MTM1: variants seen among roughly 807,000 people sequenced by gnomAD.
MTM1 encodes the protein myotubularin.
In MTM1, 9 loss-of-function variants were observed where a neutral mutation model predicts 52.1. That is an observed-to-expected ratio of 0.17 (90% CI 0.10 to 0.30). MTM1 has a LOEUF of 0.30. Among genes scored for constraint, MTM1 ranks in the 10% least tolerant of loss-of-function variants. The pLI is 1.00. For synonymous variants in MTM1, 136 were observed against 163.8 expected, an observed-to-expected ratio of 0.83 and a Z score of 1.29; for missense variants, 277 against 470.7, an observed-to-expected ratio of 0.59 and a Z score of 3.81.
At chrX:150,652,809 A>G (rs1488163714) in intron 10 of MTM1, among the ~76,000 whole-genome samples, 3 of 108,394 alleles carry the variant, frequency 2.8e-5, no homozygotes, top group African/African-American at 1.0e-4. Context: ...CTAAATAAGA[A>G]GAAAAGCTTT....
intron 2 of MTM1, among the ~76,000 whole-genome samples, chrX:150,593,135 A>ACGC (rs1162884176): frequency 9.8e-5 from 11 of 112,323 alleles, no homozygotes; most frequent in African/African-American, 3.6e-4. Flanking sequence ...GTGAGCTACC[A>ACGC]CGCCGGCCCA....
chrX:150,592,458 T>A, intron 1 of MTM1, 147 bp from the exon 2 acceptor site: 1 of 480,578 alleles, frequency 2.1e-6, no homozygotes, highest in South Asian at 2.9e-5. Flanking sequence ...CGTTTGTATG[T>A]CTTATTACCA....
chrX:150,605,842 C>G (rs1318082165), intron 4 of MTM1, among the ~76,000 whole-genome samples: 1 of 111,020 alleles, frequency 9.0e-6, no homozygotes, highest in Non-Finnish European at 1.9e-5. Flanking sequence ...CTATTGGTGG[C>G]TGTCATTGGA....
At chrX:150,629,688 ATATT>A (rs782621392) in intron 6 of MTM1, among the ~76,000 whole-genome samples, 21 of 112,695 alleles carry the variant, frequency 1.9e-4, no homozygotes, top group Admixed American at 1.9e-4. Flanking sequence ...TATTCAATAA[ATATT>A]TACTTTTTAA....
At chrX:150,575,577 A>G (rs1281399509) in intron 1 of MTM1, among the ~76,000 whole-genome samples, 2 of 111,695 alleles carry the variant, frequency 1.8e-5, no homozygotes, top group African/African-American at 6.5e-5. Context: ...GCTCCCACTC[A>G]GAGCAGCAAG....
intron 1 of MTM1, among the ~76,000 whole-genome samples, chrX:150,583,926 AT>A (rs1569565354): frequency 2.1e-4 from 9 of 43,573 alleles, no homozygotes; most frequent in African/African-American, 5.4e-4. Flanking sequence ...TAAAATATAT[AT>A]TAAATTAAAA....
At chrX:150,670,988 A>T (rs2040386751) in intron 14 of MTM1, among the ~76,000 whole-genome samples, 1 of 112,021 alleles carries the variant, frequency 8.9e-6, no homozygotes, top group African/African-American at 3.2e-5. Context: ...AACTTTGATA[A>T]AACACAAAGT....
chrX:150,566,326 C>T (rs1468933235), upstream of MTM1, among the ~76,000 whole-genome samples: 2 of 111,112 alleles, frequency 1.8e-5, no homozygotes, highest in South Asian at 3.8e-4. Flanking sequence ...TTAGTAGAGA[C>T]GGGGTTTCAC....
chrX:150,583,156 ATT>A (rs1241934176), intron 1 of MTM1, among the ~76,000 whole-genome samples: 2 of 77,884 alleles, frequency 2.6e-5, no homozygotes, highest in South Asian at 6.1e-4. Flanking sequence ...ATATATATAA[ATT>A]ATATATATTA....
intron 1 of MTM1, among the ~76,000 whole-genome samples, chrX:150,581,341 T>G (rs1362177214): frequency 1.8e-5 from 2 of 112,223 alleles, no homozygotes; most frequent in African/African-American, 6.5e-5. Context: ...ATAACTCAGC[T>G]ATATATGATC....
At chrX:150,583,502 AATATATATAATTTATATAT>A (rs1391743464) in intron 1 of MTM1, among the ~76,000 whole-genome samples, 1 of 31,238 alleles carries the variant, frequency 3.2e-5, no homozygotes, top group Non-Finnish European at 5.1e-5. Context: ...ATAAATTATA[AATATATATAATTTATATAT>A]ATTATATATA....
Position 150,596,575 on chromosome X carries a change from G to A in MTM1, c.136+5G>A, listed in dbSNP as rs1557412613. 13 of 1,197,998 alleles carry A rather than the reference G, an allele frequency of 1.1e-5. No individual in the cohort carries two copies. Among genetic ancestry groups the A allele is most frequent in the Non-Finnish European group, 1.5e-5 (13 of 884,774 alleles). ...CAGGAGAAACACTAATCACTGGTAA[G>A]GACCTGCTGACATAAGATTTGCATA... is the stretch of plus-strand genomic sequence containing the variant. On this transcript the variant is annotated splice_donor_5th_base_variant and intron_variant, in intron 3 of 14. Coordinates refer to ENST00000370396, the MANE Select transcript of MTM1 (RefSeq NM_000252.3).
rs782491769 is a variant in MTM1 at position 150,657,803 on chromosome X, C to T, written c.1054-18C>T. The T allele has an allele frequency of 1.1e-5, 13 of 1,199,928 alleles. No homozygotes were observed. Among genetic ancestry groups the T allele is most frequent in the South Asian group, 3.5e-5 (2 of 56,525 alleles). On this transcript the variant is annotated intron_variant, in intron 10 of 14. Coordinates refer to ENST00000370396, the MANE Select transcript of MTM1 (RefSeq NM_000252.3). ...TATCTTATAACTCCCTACTGACTCA[C>T]GTATTTTTCTTTGTCAGCTCGTTTT...
intron 10 of MTM1, among the ~76,000 whole-genome samples, chrX:150,656,426 A>G (rs1290545913): frequency 8.9e-6 from 1 of 111,784 alleles, no homozygotes; most frequent in Non-Finnish European, 1.9e-5. Context: ...CCTGGAAAAG[A>G]TCTTTAGTGG....
intron 1 of MTM1, among the ~76,000 whole-genome samples, chrX:150,571,912 C>CGTT (rs1162710108): frequency 2.7e-5 from 3 of 111,942 alleles, no homozygotes; most frequent in African/African-American, 9.8e-5. Flanking sequence ...AGTTAGGTCC[C>CGTT]GTTGTCATCC....
intron 14 of MTM1, among the ~76,000 whole-genome samples, chrX:150,664,168 G>A (rs1557414835): frequency 8.9e-6 from 1 of 112,546 alleles, no homozygotes; most frequent in Non-Finnish European, 1.9e-5. Context: ...AGACACACTT[G>A]GGCTTTCCAT....
At position 150,625,406 on chromosome X, in the gene MTM1, C is replaced by T. The variant is rs151224394; in HGVS notation, c.444+6267C>T. Reference sequence around the variant, plus strand: ...TGCCCAAGACTATTAATAAAGTAATCGTGATAACATGTGGGGCACTTTAAG... The same window carrying T: ...TGCCCAAGACTATTAATAAAGTAATTGTGATAACATGTGGGGCACTTTAAG... On this transcript the variant is annotated intron_variant, in intron 6 of 14. Transcript: ENST00000370396. 3.7e-3 allele frequency among the ~76,000 whole-genome samples: 408 copies of T among 111,353 alleles called. 3 individuals are homozygous for T. Among genetic ancestry groups the T allele is most frequent in the African/African-American group, 0.012 (365 of 30,626 alleles).
rs112119260 is a variant in MTM1 at position 150,657,619 on chromosome X, T to TA, written c.1054-192dup. Reference sequence around the variant, plus strand: ...GCACCCTAGAACTTAAAGTATAATTTAAAAAAAAAAGAAGAAAAGAAAACA... The same window carrying TA: ...GCACCCTAGAACTTAAAGTATAATTTAAAAAAAAAAAGAAGAAAAGAAAACA... On this transcript the variant is annotated intron_variant, in intron 10 of 14. Transcript: ENST00000370396. Among the ~76,000 whole-genome samples the TA allele has an allele frequency of 7.4e-5, 8 of 107,777 alleles. No individual in the cohort carries two copies. The South Asian group carries it at 1.2e-3, about 16-fold the overall frequency. The allele number at this position is 107,777 out of a possible 115,157, so 93.6% of individuals were successfully genotyped here. A position where few individuals can be genotyped will look rare whatever the true frequency, so the allele number is the denominator to read the frequency against.
At chrX:150,590,938 A>T in intron 1 of MTM1, 2 of 491,514 alleles carry the variant, frequency 4.1e-6, no homozygotes, top group Non-Finnish European at 5.0e-6. Flanking sequence ...TTTTGTCAAT[A>T]GAAAAATTTC....
Sources: allele counts gnomAD v4.1 joint callset (sites outside exome capture counted in the v4.1 genomes callset), GRCh38; gene constraint gnomAD v4.1.1; transcripts MANE v1.5; gene names NCBI Gene and HGNC (gene_info 2026-07-23, HGNC 2026-07-21).